The following BEND2 variants were observed in gnomAD, a reference collection of about 807,000 sequenced individuals.
BEND2 encodes BEN domain containing 2.
In BEND2, 19 loss-of-function variants were observed where a neutral mutation model predicts 43.8. The observed-to-expected ratio is 0.43, with a 90% CI of 0.30 to 0.64. The LOEUF is 0.64. BEND2 is among the 30% of genes least tolerant of loss of function. The pLI is 0.11. For synonymous variants in BEND2, 226 were observed against 210.1 expected (o/e 1.08, Z -0.66); for missense variants, 544 against 574.0 (o/e 0.95, Z 0.53).
At chrX:18,169,806 A>G (rs1171685960) in intron 13 of BEND2, among the ~76,000 whole-genome samples, 1 of 112,234 alleles carries the variant, frequency 8.9e-6, no homozygotes, top group Admixed American at 9.5e-5. Context: ...CTCATGCTGA[A>G]TATTTGTTTA....
chrX:18,195,497 T>C (rs999103926), intron 6 of BEND2, 55 bp from the exon 7 acceptor site: 46 of 1,066,676 alleles, frequency 4.3e-5, no homozygotes, highest in Non-Finnish European at 5.5e-5. Context: ...GGTAAAACTA[T>C]CCTTCTGGAA....
intron 8 of BEND2, among the ~76,000 whole-genome samples, chrX:18,181,187 A>G (rs1485576013): frequency 2.7e-5 from 3 of 111,916 alleles, no homozygotes; most frequent in Non-Finnish European, 5.6e-5. Flanking sequence ...GAAAACAATT[A>G]CTACATTTGT....
intron 8 of BEND2, among the ~76,000 whole-genome samples, chrX:18,181,192 A>G (rs1265703898): frequency 8.9e-6 from 1 of 111,862 alleles, no homozygotes; most frequent in East Asian, 2.8e-4. Flanking sequence ...CAATTACTAC[A>G]TTTGTAATTA....
chrX:18,203,189 A>G (rs1223556532), intron 5 of BEND2, among the ~76,000 whole-genome samples: 2 of 111,202 alleles, frequency 1.8e-5, no homozygotes, highest in Non-Finnish European at 3.8e-5. Flanking sequence ...CTTTCTGGTG[A>G]TAGAACGGTT....
chrX:18,194,234 A>C (rs899723028), intron 7 of BEND2, among the ~76,000 whole-genome samples: 12 of 111,798 alleles, frequency 1.1e-4, no homozygotes, highest in African/African-American at 3.9e-4. Flanking sequence ...TATAAAACTA[A>C]ACATGCTAGT....
chrX:18,174,597 C>T (rs1287296495), intron 11 of BEND2, among the ~76,000 whole-genome samples: 1 of 111,549 alleles, frequency 9.0e-6, no homozygotes, highest in Non-Finnish European at 1.9e-5. Flanking sequence ...TTTTGTTTCT[C>T]ATGTTTTGTT....
intron 5 of BEND2, among the ~76,000 whole-genome samples, 172 bp downstream of exon 5, chrX:18,203,329 A>C (rs1569125024): frequency 8.9e-6 from 1 of 111,984 alleles, no homozygotes; most frequent in Non-Finnish European, 1.9e-5. Flanking sequence ...CACTGGGGAA[A>C]ATTGGGGAAA....
At chrX:18,175,357 C>T (rs1437788586) in intron 11 of BEND2, among the ~76,000 whole-genome samples, 1 of 111,963 alleles carries the variant, frequency 8.9e-6, no homozygotes, top group East Asian at 2.8e-4. Context: ...ATACATGTTT[C>T]ATCAGAAGAC....
Position 18,208,315 on chromosome X carries a change from G to C in BEND2, c.492+4250C>G, listed in dbSNP as rs754356980. On this transcript the variant is annotated intron_variant, in intron 4 of 13. Coordinates refer to ENST00000380033, the MANE Select transcript of BEND2 (RefSeq NM_153346.5). ...ATCCTGGCTAACACGGCGAAACCTT[G>C]TCTCTACTAAAAATACAAAAAATTA... Among the ~76,000 whole-genome samples, 199 of 109,554 alleles carry C rather than the reference G, an allele frequency of 1.8e-3. 1 individual carries two copies. The highest frequency in any genetic ancestry group is 6.3e-3 in the African/African-American group (189 of 30,124).
chrX:18,214,832 A>AAAAG (rs1569128428), intron 2 of BEND2, among the ~76,000 whole-genome samples: 15 of 105,861 alleles, frequency 1.4e-4, no homozygotes, highest in African/African-American at 3.5e-4. Context: ...AAAAAAAAAA[A>AAAAG]AAAGAAAGAA....
At chrX:18,167,174 G>A (rs1227514612) in intron 13 of BEND2, among the ~76,000 whole-genome samples, 3 of 109,613 alleles carry the variant, frequency 2.7e-5, no homozygotes, top group Non-Finnish European at 3.8e-5. Context: ...CCAGCTACTC[G>A]AGAGTGTGAG....
chrX:18,214,810 CAAAAAAA>C (rs58814498), intron 2 of BEND2, among the ~76,000 whole-genome samples: 1 of 35,439 alleles, frequency 2.8e-5, no homozygotes, highest in African/African-American at 1.2e-4. Context: ...GACTCTGTCT[CAAAAAAA>C]AAAAAAAAAA....
intron 10 of BEND2, among the ~76,000 whole-genome samples, 192 bp from the exon 11 acceptor site, chrX:18,176,285 A>G (rs1602027789): frequency 9.5e-6 from 1 of 104,806 alleles, no homozygotes; most frequent in East Asian, 3.0e-4. Flanking sequence ...CCACCCAATG[A>G]GGATGCTTTG....
At chrX:18,185,530 CAAAAAT>C (rs1924536917) in intron 8 of BEND2, among the ~76,000 whole-genome samples, 3 of 51,291 alleles carry the variant, frequency 5.8e-5, no homozygotes, top group South Asian at 1.6e-3. Context: ...GACTCAGTCG[CAAAAAT>C]AATAATAATA....
At chrX:18,196,816 G>T (rs1418298978) in intron 6 of BEND2, among the ~76,000 whole-genome samples, 1 of 111,252 alleles carries the variant, frequency 9.0e-6, no homozygotes, top group Non-Finnish European at 1.9e-5. Context: ...GAAGAAAAGG[G>T]TGACCTGAGA....
Position 18,203,848 on chromosome X carries a change from G to T in BEND2, c.560C>A (p.Thr187Lys). The T allele has an allele frequency of 8.3e-7, 1 of 1,210,223 alleles. No individual in the cohort carries two copies. The highest frequency in any genetic ancestry group is 1.8e-5 in the South Asian group (1 of 56,950). ...ATGACATGCTGCTGACTCAAGAGAT[G>T]TTACAGCAGGGCTGGCCCAGGCATG... is the stretch of plus-strand genomic sequence containing the variant. The part of the protein sequence containing the change: ...ETHAWASPAV[T>K]SLESAACHEL... Residue 187 changes from threonine to lysine, a missense_variant, in exon 5 of 14, where the codon ACA becomes AAA. This residue lies in a region of BEND2 where 501 missense variants were observed against 501.6 expected (regional missense o/e 1.00). Coordinates refer to ENST00000380033, the MANE Select transcript of BEND2 (RefSeq NM_153346.5).
At chrX:18,206,142 C>T (rs1233798158) in intron 4 of BEND2, among the ~76,000 whole-genome samples, 1 of 111,473 alleles carries the variant, frequency 9.0e-6, no homozygotes, top group Non-Finnish European at 1.9e-5. Flanking sequence ...ATGCCCAGTC[C>T]AACAGTGCTC....
chrX:18,176,866 G>C (rs1013400277), intron 10 of BEND2, among the ~76,000 whole-genome samples: 1 of 110,729 alleles, frequency 9.0e-6, no homozygotes, highest in African/African-American at 3.3e-5. Flanking sequence ...CCTCTGCCTA[G>C]AACATCCTCC....
At chrX:18,179,664 G>A (rs147036427) in intron 9 of BEND2, among the ~76,000 whole-genome samples, 1 of 112,324 alleles carries the variant, frequency 8.9e-6, no homozygotes, top group Non-Finnish European at 1.9e-5. Context: ...AACAGCAAAG[G>A]TGGGTATTTG....
Sources: gnomAD v4.1 joint callset for allele counts (sites outside exome capture counted in the v4.1 genomes callset) on GRCh38, gnomAD v4.1.1 for gene constraint, gnomAD v4.1.1 regional missense constraint, MANE v1.5 for transcripts, NCBI Gene and HGNC (gene_info 2026-07-23, HGNC 2026-07-21) for gene names.